Variants in PPP2R3B observed in about 807,000 individuals in gnomAD.
PPP2R3B encodes the protein serine/threonine-protein phosphatase 2A regulatory subunit B'' subunit beta.
Under a neutral mutation model 72.9 loss-of-function variants are expected in PPP2R3B, and 68 were observed. The observed-to-expected ratio is 0.93, with a 90% CI of 0.77 to 1.14. PPP2R3B has a LOEUF of 1.14. Ranked by LOEUF, PPP2R3B falls within the 50% of genes most tolerant of loss-of-function variation. The probability of loss-of-function intolerance (pLI) is 0.00; values close to 1 mark genes in which losing one functional copy is unlikely to be tolerated. For missense variants in PPP2R3B, 1,018 were observed against 842.0 expected (o/e 1.21, Z -2.59); for synonymous variants, 466 against 375.8 (o/e 1.24, Z -2.78).
At chrX:335,943 A>C (rs958998934) in intron 12 of PPP2R3B, 3 of 152,094 alleles carry the variant, frequency 2.0e-5, no homozygotes, top group Admixed American at 6.6e-5. Flanking sequence ...AGGCGGGGAG[A>C]ACCCTCGAGC....
chrX:373,353 A>G (rs1306162739), intron 1 of PPP2R3B, among the ~76,000 whole-genome samples: 1 of 152,162 alleles, frequency 6.6e-6, no homozygotes, highest in Non-Finnish European at 1.5e-5. Flanking sequence ...GTGCGGCCCG[A>G]GCGGGTCCCC....
intron 2 of PPP2R3B, among the ~76,000 whole-genome samples, chrX:348,404 C>T (rs1299356849): frequency 6.6e-5 from 10 of 151,924 alleles, no homozygotes; most frequent in Admixed American, 2.0e-4. Context: ...GGTGAAACCT[C>T]GTCTCTACTA....
Position 361,600 on chromosome X carries a change from CGACA to C in PPP2R3B, c.325-14_325-11del, listed in dbSNP as rs772476022. The stretch of plus-strand genomic sequence containing the variant: ...CTTTCCGTGTCTGAACCTGAAGAGT[CGACA>C]GACAGCGCTCAGTTAGAACCTGGGA... On this transcript the variant is annotated splice_polypyrimidine_tract_variant and intron_variant, in intron 1 of 12. Coordinates refer to ENST00000390665, the MANE Select transcript of PPP2R3B (RefSeq NM_013239.5). The C allele has an allele frequency of 6.2e-6, 10 of 1,612,938 alleles. No individual in the cohort carries two copies. The Admixed American group carries it at 1.2e-4, about 19-fold the overall frequency.
intron 6 of PPP2R3B, 115 bp downstream of exon 6, chrX:346,059 G>C: frequency 3.7e-6 from 2 of 535,828 alleles, no homozygotes; most frequent in Non-Finnish European, 6.7e-6. Context: ...GTGGGGGTGG[G>C]GGTGGGAGAG....
At chrX:352,303 G>A (rs1218385860) in intron 2 of PPP2R3B, among the ~76,000 whole-genome samples, 4 of 152,240 alleles carry the variant, frequency 2.6e-5, no homozygotes, top group Non-Finnish European at 4.4e-5. Context: ...GCAACGCGGC[G>A]GCACGCCCAC....
At chrX:355,515 G>A (rs1486712631) in intron 2 of PPP2R3B, among the ~76,000 whole-genome samples, 3 of 152,142 alleles carry the variant, frequency 2.0e-5, no homozygotes, top group Non-Finnish European at 4.4e-5. Context: ...AACGAACAAC[G>A]GTGCAGCCAC....
chrX:379,809 C>T (rs1251876613), intron 1 of PPP2R3B, among the ~76,000 whole-genome samples: 2 of 152,214 alleles, frequency 1.3e-5, no homozygotes, highest in Admixed American at 6.5e-5. Flanking sequence ...AAAATTCCAA[C>T]AGGCTTTTCT....
intron 1 of PPP2R3B, chrX:373,754 G>C (rs1343368772): frequency 6.7e-6 from 1 of 148,748 alleles, no homozygotes; most frequent in African/African-American, 2.4e-5. Context: ...GGCGTGGCCC[G>C]GGCTCAGCGC....
chrX:337,902 G>A (rs1603028114), intron 12 of PPP2R3B: 1 of 154,164 alleles, frequency 6.5e-6, no homozygotes, highest in African/African-American at 2.4e-5. Context: ...CACCCCACAG[G>A]GAAGGTTACT....
chrX:375,876 C>T (rs1299916600), intron 1 of PPP2R3B, among the ~76,000 whole-genome samples: 2 of 87,970 alleles, frequency 2.3e-5, no homozygotes, highest in African/African-American at 9.1e-5. Context: ...ACTTTACTGC[C>T]AGGTTTCCTC....
chrX:368,805 CCCCGGGCA>C, intron 1 of PPP2R3B, among the ~76,000 whole-genome samples: 1 of 107,588 alleles, frequency 9.3e-6, no homozygotes, highest in African/African-American at 4.1e-5. Flanking sequence ...GGACCACCCA[CCCCGGGCA>C]CTGACGGGGG....
intron 2 of PPP2R3B, among the ~76,000 whole-genome samples, chrX:348,571 G>A (rs1006111723): frequency 6.5e-4 from 20 of 30,612 alleles, no homozygotes; most frequent in African/African-American, 3.0e-3. Context: ...GAGAGACTCT[G>A]TCTCAAAAAA....
rs1323012218 is a variant in PPP2R3B, at chrX:384,282, C to CTCTCTATA, written c.324+2085_324+2086insTATAGAGA. On this transcript the variant is annotated intron_variant, in intron 1 of 12. Transcript: ENST00000390665. The stretch of plus-strand genomic sequence containing the variant: ...GAAGACTCTCTCTCTCTCTCTCTCT[C>CTCTCTATA]TATATATATATATATACTTTTTTTT... 4.3e-3 allele frequency among the ~76,000 whole-genome samples: 608 copies of CTCTCTATA among 140,066 alleles called. 2 individuals carry two copies. Among genetic ancestry groups the CTCTCTATA allele is most frequent in the Non-Finnish European group, 6.3e-3 (418 of 66,068 alleles). The allele number at this position is 140,066 out of a possible 152,430, so 91.9% of individuals were successfully genotyped here. A position where few individuals can be genotyped will look rare whatever the true frequency, so the allele number is the denominator to read the frequency against.
rs569420714 is a variant in PPP2R3B, at chrX:370,736, A to T, written c.325-9146T>A. On this transcript the variant is annotated intron_variant, in intron 1 of 12. Transcript: ENST00000390665. Reference sequence around the variant, plus strand: ...GCGTCCTGGCCAAACCAAAGGCTGCAAGGGTTTTGGTGACCACTGGCCTTG... The same window carrying T: ...GCGTCCTGGCCAAACCAAAGGCTGCTAGGGTTTTGGTGACCACTGGCCTTG... Among the ~76,000 whole-genome samples the T allele has an allele frequency of 3.9e-5, 6 of 152,172 alleles. No individual in the cohort carries two copies. The South Asian group carries it at 1.2e-3, about 32-fold the overall frequency.
Position 345,531 on chromosome X carries a change from G to C in PPP2R3B, c.1021C>G (p.Arg341Gly), listed in dbSNP as rs766260273. The C allele has an allele frequency of 2.5e-6, 4 of 1,612,962 alleles. No homozygotes were observed. The highest frequency in any genetic ancestry group is 3.4e-6 in the Non-Finnish European group (4 of 1,179,494). ...CCCCACGCACCGTGGTCATTGTGCC[G>C]CGCCAGGTCGTCCGCGTCGATGAGC... ...DLLIDADDLARHNDHALSTKM... is the reference protein window; with the variant it reads ...DLLIDADDLAGHNDHALSTKM... Residue 341 changes from arginine to glycine, a missense_variant, in exon 7 of 13, where the codon CGG (arginine) becomes GGG (glycine). Arg to Gly is a moderately radical substitution (Grantham distance 125). Coordinates refer to ENST00000390665, the MANE Select transcript of PPP2R3B (RefSeq NM_013239.5).
intron 6 of PPP2R3B, 94 bp downstream of exon 6, chrX:346,080 G>A (rs1313221462): frequency 1.4e-5 from 8 of 579,344 alleles, no homozygotes; most frequent in African/African-American, 7.4e-5. Flanking sequence ...GGGGTGGGAG[G>A]GGAGGAGGGA....
chrX:346,544 C>G, intron 5 of PPP2R3B, 157 bp downstream of exon 5: 1 of 730,786 alleles, frequency 1.4e-6, no homozygotes, highest in Non-Finnish European at 2.2e-6. Flanking sequence ...CACCGGGCTC[C>G]CGGGCGGGTG....
intron 1 of PPP2R3B, among the ~76,000 whole-genome samples, chrX:362,986 G>A (rs1219357400): frequency 6.6e-6 from 1 of 151,854 alleles, no homozygotes; most frequent in Admixed American, 6.6e-5. Context: ...CCTCAACTGT[G>A]CCCACCCTGC....
In PPP2R3B at chrX:340,824, G is replaced by A; in HGVS notation, c.1292C>T (p.Ala431Val). 1.9e-6 allele frequency: 3 copies of A among 1,611,774 alleles called. No individual in the cohort carries two copies. The highest frequency in any genetic ancestry group is 2.5e-6 in the Non-Finnish European group (3 of 1,179,682). Residue 431 changes from alanine to valine, a missense_variant, in exon 10 of 13, where the codon GCC becomes GTC. Transcript: ENST00000390665. ...CRRLDSMAIE[A>V]LPFQDCLCQM... ...GCAGAGGCAGTCCTGGAAGGGCAGG[G>A]CCTCGATGGCCATGCTGTCCAGCCT... is the stretch of plus-strand genomic sequence containing the variant.
Sources: gnomAD v4.1 joint callset for allele counts (sites outside exome capture counted in the v4.1 genomes callset) on GRCh38, gnomAD v4.1.1 for gene constraint, MANE v1.5 for transcripts, NCBI Gene and HGNC (gene_info 2026-07-23, HGNC 2026-07-21) for gene names.